The following GALNT13 variants were observed in gnomAD, a reference collection of about 807,000 sequenced individuals.
GALNT13 encodes the protein polypeptide N-acetylgalactosaminyltransferase 13.
A neutral mutation model predicts 64.2 loss-of-function variants in GALNT13; 28 were observed. The observed-to-expected ratio is 0.44, with a 90% CI of 0.32 to 0.60. The LOEUF is 0.60. GALNT13 is among the 20% of genes least tolerant of loss of function. The pLI is 0.05. For synonymous variants in GALNT13, 214 were observed against 224.6 expected (o/e 0.95, Z 0.42); for missense variants, 577 against 669.8 (o/e 0.86, Z 1.53).
chr2:154,250,186 A>C (rs997750694), intron 7 of GALNT13, among the ~76,000 whole-genome samples: 2 of 152,158 alleles, frequency 1.3e-5, no homozygotes, highest in African/African-American at 4.8e-5. Context: ...ATTAGGTTTT[A>C]AATTTATATC....
intron 3 of GALNT13, among the ~76,000 whole-genome samples, chr2:154,054,647 T>A (rs1330094964): frequency 2.6e-5 from 4 of 151,982 alleles, no homozygotes; most frequent in Non-Finnish European, 5.9e-5. Flanking sequence ...AAATTGAATA[T>A]CCTTCTTTTT....
chr2:154,377,089 G>C (rs1325437655), intron 9 of GALNT13, among the ~76,000 whole-genome samples: 1 of 152,014 alleles, frequency 6.6e-6, no homozygotes, highest in Non-Finnish European at 1.5e-5. Context: ...CCTCAAAATA[G>C]TATTTTTGAA....
chr2:154,388,301 G>A (rs1033948713), intron 9 of GALNT13, among the ~76,000 whole-genome samples: 1 of 152,076 alleles, frequency 6.6e-6, no homozygotes, highest in Admixed American at 6.6e-5. Context: ...ATGTATTTCA[G>A]ATTTTAATCC....
chr2:154,445,611 ATAGT>A (rs1328728418), intron 12 of GALNT13, among the ~76,000 whole-genome samples: 2 of 152,040 alleles, frequency 1.3e-5, no homozygotes, highest in African/African-American at 2.4e-5. Flanking sequence ...TATTAACTAC[ATAGT>A]TAATATTATG....
the GALNT13 span, among the ~76,000 whole-genome samples, chr2:153,346,525 T>C: frequency 2.1e-3 from 319 of 152,306 alleles, 2 homozygotes; most frequent in African/African-American, 7.4e-3. Flanking sequence ...ATTTATTTTT[T>C]TTAATGAAAG....
the GALNT13 span, among the ~76,000 whole-genome samples, chr2:153,228,365 G>T: frequency 6.6e-6 from 1 of 152,048 alleles, no homozygotes; most frequent in Non-Finnish European, 1.5e-5. Context: ...AAAAATACTC[G>T]AAATGCCTGC....
intron 3 of GALNT13, among the ~76,000 whole-genome samples, chr2:153,971,325 C>G (rs1443459515): frequency 6.6e-6 from 1 of 152,124 alleles, no homozygotes; most frequent in Non-Finnish European, 1.5e-5. Context: ...TTTTTCACTG[C>G]ATGACATATT....
intron 9 of GALNT13, among the ~76,000 whole-genome samples, chr2:154,379,346 A>C (rs1357457016): frequency 6.6e-6 from 1 of 151,984 alleles, no homozygotes; most frequent in African/African-American, 2.4e-5. Context: ...ACCAGGTTTT[A>C]TCAAATGTTC....
chr2:153,240,274 A>ACTG, the GALNT13 span, among the ~76,000 whole-genome samples: 137 of 151,886 alleles, frequency 9.0e-4, no homozygotes, highest in African/African-American at 3.1e-3. Flanking sequence ...AACTTTTTAG[A>ACTG]CTGATTTGAG....
At chr2:153,756,717 T>A in the GALNT13 span, among the ~76,000 whole-genome samples, 1 of 152,146 alleles carries the variant, frequency 6.6e-6, no homozygotes. Context: ...AATGTACCAT[T>A]GACTAGACTT....
chr2:153,305,149 A>T, the GALNT13 span, among the ~76,000 whole-genome samples: 3 of 152,192 alleles, frequency 2.0e-5, no homozygotes, highest in African/African-American at 7.2e-5. Flanking sequence ...AAGGAACCCA[A>T]CTTGCAGGTG....
chr2:154,367,773 AGT>A (rs1697454373), intron 9 of GALNT13, among the ~76,000 whole-genome samples: 1 of 152,200 alleles, frequency 6.6e-6, no homozygotes, highest in South Asian at 2.1e-4. Context: ...AAGAGTAGGA[AGT>A]GTGGATATGA....
the GALNT13 span, among the ~76,000 whole-genome samples, chr2:153,148,125 T>C: frequency 1.3e-5 from 2 of 151,926 alleles, no homozygotes; most frequent in Non-Finnish European, 2.9e-5. Context: ...AAGCCGCTAC[T>C]TCCTTTTAAA....
the GALNT13 span, among the ~76,000 whole-genome samples, chr2:153,633,659 T>G: frequency 1.3e-5 from 2 of 152,146 alleles, no homozygotes; most frequent in Admixed American, 1.3e-4. Flanking sequence ...GCCATGTTTT[T>G]CAGGAGTGGC....
the GALNT13 span, among the ~76,000 whole-genome samples, chr2:153,570,315 T>C: frequency 2.6e-5 from 4 of 152,150 alleles, no homozygotes; most frequent in Non-Finnish European, 4.4e-5. Context: ...CCCTATAGTG[T>C]TGTTTAAGCT....
the GALNT13 span, among the ~76,000 whole-genome samples, chr2:153,751,473 A>T: frequency 6.6e-6 from 1 of 151,064 alleles, no homozygotes; most frequent in Admixed American, 6.6e-5. Context: ...CTCTCTCTTT[A>T]GTTCTAGTAA....
At chr2:153,228,000 C>A in the GALNT13 span, among the ~76,000 whole-genome samples, 1 of 152,082 alleles carries the variant, frequency 6.6e-6, no homozygotes, top group Non-Finnish European at 1.5e-5. Flanking sequence ...TTGTTCTATT[C>A]CTTATAAGTT....
the GALNT13 span, among the ~76,000 whole-genome samples, chr2:153,789,887 A>T: frequency 5.3e-5 from 8 of 152,184 alleles, no homozygotes; most frequent in Non-Finnish European, 1.2e-4. Flanking sequence ...AGCAGAAAGA[A>T]ATTGATTCCC....
intron 8 of GALNT13, among the ~76,000 whole-genome samples, chr2:154,297,362 C>T (rs892934826): frequency 1.3e-5 from 2 of 152,126 alleles, no homozygotes; most frequent in African/African-American, 4.8e-5. Context: ...CCACAAAATT[C>T]ATGTATTGAA....
Sources: gnomAD v4.1 joint callset for allele counts (sites outside exome capture counted in the v4.1 genomes callset) on GRCh38, gnomAD v4.1.1 for gene constraint, MANE v1.5 for transcripts, NCBI Gene and HGNC (gene_info 2026-07-23, HGNC 2026-07-21) for gene names.